Variants in LHFPL6 observed in about 807,000 individuals in gnomAD.
LHFPL6 encodes LHFPL tetraspan subfamily member 6, also known as LHFPL tetraspan subfamily member 6 protein.
A neutral mutation model predicts 20.6 loss-of-function variants in LHFPL6; 9 were observed. The observed-to-expected ratio is 0.44, with a 90% CI of 0.26 to 0.76. The LOEUF (loss-of-function observed/expected upper bound fraction) is 0.76. Ranked by LOEUF, LHFPL6 falls within the 30% of genes least tolerant of loss-of-function variation. The pLI is 0.20. For missense variants in LHFPL6, 218 were observed against 253.5 expected, an observed-to-expected ratio of 0.86 and a Z score of 0.95; for synonymous variants, 105 against 98.7, an observed-to-expected ratio of 1.06 and a Z score of -0.38.
chr13:39,343,676 T>A lies in LHFPL6; in HGVS notation c.*260A>T. On this transcript the variant is annotated 3_prime_UTR_variant, in exon 4 of 4. Transcript: ENST00000379589. ...TGTACATTAACAATACTCTGTGGAA[T>A]AGAAACACCCGATGCCCTGCAATAT... is the stretch of plus-strand genomic sequence containing the variant. 2.6e-6 allele frequency: 1 copy of A among 383,922 alleles called. No individual in the cohort carries two copies. The highest frequency in any genetic ancestry group is 4.8e-6 in the Non-Finnish European group (1 of 209,746). The allele number at this position is 383,922 out of a possible 1,614,324, so 23.8% of individuals were successfully genotyped here.
chr13:39,443,623 T>G (rs1872200412), intron 2 of LHFPL6, among the ~76,000 whole-genome samples: 1 of 151,996 alleles, frequency 6.6e-6, no homozygotes, highest in African/African-American at 2.4e-5. Context: ...ACGGATTACT[T>G]AACTGGTCAT....
intron 2 of LHFPL6, among the ~76,000 whole-genome samples, chr13:39,514,530 C>G (rs1869836184): frequency 6.6e-6 from 1 of 152,170 alleles, no homozygotes; most frequent in South Asian, 2.1e-4. Flanking sequence ...ATGAGCACCA[C>G]AATAATCTAG....
intron 2 of LHFPL6, among the ~76,000 whole-genome samples, chr13:39,502,484 A>T (rs1340026460): frequency 2.0e-5 from 3 of 150,308 alleles, no homozygotes; most frequent in Non-Finnish European, 3.0e-5. Context: ...AAAAATAGGC[A>T]TGGTGGCGCG....
chr13:39,462,641 T>C (rs969276869), intron 2 of LHFPL6, among the ~76,000 whole-genome samples: 2 of 151,774 alleles, frequency 1.3e-5, no homozygotes, highest in Non-Finnish European at 2.9e-5. Context: ...CCTCTCACTC[T>C]GTGAAGTGGG....
At chr13:39,512,601 C>CAAAAAAAAAAAAAAAAA (rs565183661) in intron 2 of LHFPL6, among the ~76,000 whole-genome samples, 6 of 109,566 alleles carry the variant, frequency 5.5e-5, no homozygotes, top group African/African-American at 2.4e-4. Flanking sequence ...GCCTCCGTCT[C>CAAAAAAAAAAAAAAAAA]AAAAAAAAAA....
chr13:39,546,154 C>T (rs1317559281), intron 2 of LHFPL6, among the ~76,000 whole-genome samples: 1 of 152,024 alleles, frequency 6.6e-6, no homozygotes, highest in Non-Finnish European at 1.5e-5. Context: ...TAAATAATAG[C>T]TATTAGACTA....
chr13:39,584,048 G>A (rs1307921050), intron 2 of LHFPL6, among the ~76,000 whole-genome samples: 7 of 152,102 alleles, frequency 4.6e-5, no homozygotes, highest in Admixed American at 4.6e-4. Context: ...GCCTGCCTGT[G>A]ACATATTTTC....
intron 2 of LHFPL6, among the ~76,000 whole-genome samples, chr13:39,506,939 C>A (rs1869505865): frequency 6.6e-6 from 1 of 152,068 alleles, no homozygotes; most frequent in Non-Finnish European, 1.5e-5. Flanking sequence ...TCTGAGCTAG[C>A]CAAGAAGGAG....
intron 2 of LHFPL6, among the ~76,000 whole-genome samples, chr13:39,477,691 A>C (rs1173263297): frequency 6.6e-6 from 1 of 152,228 alleles, no homozygotes; most frequent in Non-Finnish European, 1.5e-5. Flanking sequence ...GAGATAAAAC[A>C]TGATGTCTTT....
intron 2 of LHFPL6, among the ~76,000 whole-genome samples, chr13:39,566,243 G>A (rs1421683630): frequency 6.6e-6 from 1 of 152,136 alleles, no homozygotes; most frequent in African/African-American, 2.4e-5. Context: ...CAGAACAGAG[G>A]AATACATGAC....
rs140097177 is a variant in LHFPL6 at position 39,586,986 on chromosome 13, G to A, written c.385+13846C>T. Among the ~76,000 whole-genome samples the A allele has an allele frequency of 9.7e-3, 1,481 of 152,112 alleles. 24 individuals are homozygous for A. Among genetic ancestry groups the A allele is most frequent in the African/African-American group, 0.034 (1,412 of 41,488 alleles). ...AGCCTGACCAGCATAGTGAAACCCT[G>A]TCTCTCCTAAAAATACAAAAATTAG... On this transcript the variant is annotated intron_variant, in intron 2 of 3. Transcript: ENST00000379589.
chr13:39,467,334 T>A (rs1426893710), intron 2 of LHFPL6, among the ~76,000 whole-genome samples: 2 of 152,180 alleles, frequency 1.3e-5, no homozygotes. Context: ...AATGAATCAA[T>A]CTCCTCCCAA....
At chr13:39,415,877 G>A (rs561517322) in intron 2 of LHFPL6, among the ~76,000 whole-genome samples, 2 of 152,266 alleles carry the variant, frequency 1.3e-5, no homozygotes, top group South Asian at 2.1e-4. Flanking sequence ...AATACATTAC[G>A]AAGAAAGAAA....
intron 2 of LHFPL6, among the ~76,000 whole-genome samples, chr13:39,517,995 C>T (rs921310313): frequency 6.6e-6 from 1 of 152,234 alleles, no homozygotes; most frequent in African/African-American, 2.4e-5. Context: ...AAATAAGCTA[C>T]TGGCTGGGAT....
chr13:39,423,800 G>T (rs989695133), intron 2 of LHFPL6, among the ~76,000 whole-genome samples: 1 of 152,224 alleles, frequency 6.6e-6, no homozygotes, highest in East Asian at 1.9e-4. Flanking sequence ...CATAAGTCAT[G>T]TGGAGTTGTC....
At chr13:39,567,158 A>C (rs912191301) in intron 2 of LHFPL6, among the ~76,000 whole-genome samples, 8 of 152,122 alleles carry the variant, frequency 5.3e-5, no homozygotes, top group Non-Finnish European at 1.0e-4. Flanking sequence ...TCCAAAGTTC[A>C]GGCACAGAAT....
In LHFPL6 at chr13:39,600,914, G is replaced by C. The variant is rs1237961427; in HGVS notation, c.303C>G (p.Leu101=). 2 of 1,589,764 alleles carry C rather than the reference G, an allele frequency of 1.3e-6. No homozygotes were observed. The highest frequency in any genetic ancestry group is 1.1e-5 in the South Asian group (1 of 87,096). Residue 101 remains leucine, a synonymous_variant, in exon 2 of 4, where the codon CTC becomes CTG. Transcript: ENST00000379589. ...LGCGLLLLVA[L]TALMGCCVSD... Reference sequence around the variant, plus strand: ...AAACACAGCAACCCATGAGGGCAGTGAGCGCCACCAGGAGGAGGAGGCCAC... The same window carrying C: ...AAACACAGCAACCCATGAGGGCAGTCAGCGCCACCAGGAGGAGGAGGCCAC...
chr13:39,417,370 G>A (rs567587219), intron 2 of LHFPL6, among the ~76,000 whole-genome samples: 11 of 150,964 alleles, frequency 7.3e-5, no homozygotes, highest in South Asian at 4.2e-4. Flanking sequence ...AGGGGCGGCC[G>A]GAGCAACGCT....
At chr13:39,428,471 A>T (rs1482738206) in intron 2 of LHFPL6, among the ~76,000 whole-genome samples, 1 of 152,160 alleles carries the variant, frequency 6.6e-6, no homozygotes, top group Non-Finnish European at 1.5e-5. Context: ...CTAAGTTGTC[A>T]AATGTATTGG....
Sources: gnomAD v4.1 joint callset for allele counts (sites outside exome capture counted in the v4.1 genomes callset) on GRCh38, gnomAD v4.1.1 for gene constraint, MANE v1.5 for transcripts, NCBI Gene and HGNC (gene_info 2026-07-23, HGNC 2026-07-21) for gene names.